The following CKAP5 variants were observed in gnomAD, a reference collection of about 807,000 sequenced individuals.
CKAP5 encodes cytoskeleton associated protein 5, also known as cytoskeleton-associated protein 5.
Under a neutral mutation model 232.8 loss-of-function variants are expected in CKAP5, and 27 were observed. The observed-to-expected ratio is 0.12, with a 90% CI of 0.09 to 0.16. The LOEUF (loss-of-function observed/expected upper bound fraction) is 0.16, where lower values mean the gene tolerates loss of function less well. Among genes scored for constraint, CKAP5 ranks in the 10% least tolerant of loss-of-function variants. The probability of loss-of-function intolerance (pLI) is 1.00; values close to 1 mark genes in which losing one functional copy is unlikely to be tolerated. For missense variants in CKAP5, 1,838 were observed against 2,424.7 expected, an observed-to-expected ratio of 0.76 and a Z score of 5.08; for synonymous variants, 785 against 841.1, an observed-to-expected ratio of 0.93 and a Z score of 1.16.
Position 46,790,509 on chromosome 11 carries a change from T to C in CKAP5, c.1725A>G (p.Lys575=). 1 of 1,614,102 alleles carries C rather than the reference T, an allele frequency of 6.2e-7. No homozygotes were observed. The highest frequency in any genetic ancestry group is 1.7e-5 in the Admixed American group (1 of 60,002). ...CCACTATTTCTTTAGTCTCCAGTCC[T>C]TTCTTGTTCTTGGTTCCAGTATTCC... ...GAGNTGTKNK[K]GLETKEIVEP... The change falls in exon 14 of 44, where the codon AAA becomes AAG. Residue 575 remains lysine (K), a synonymous_variant. Coordinates refer to ENST00000529230, the MANE Select transcript of CKAP5 (RefSeq NM_001008938.4).
At chr11:46,756,159 T>C (rs2065109526) in intron 35 of CKAP5, among the ~76,000 whole-genome samples, 1 of 152,178 alleles carries the variant, frequency 6.6e-6, no homozygotes, top group South Asian at 2.1e-4. Context: ...ATTGTTTATA[T>C]CTAATCTATT....
At position 46,762,203 on chromosome 11, in the gene CKAP5, G is replaced by A. The variant is rs375726476; in HGVS notation, c.4028-10C>T. ...AGCTCTTCCAGGCACTCTGATGGGG[G>A]AGAAAGGCTAGATTAATGAGACAAC... On this transcript the variant is annotated splice_polypyrimidine_tract_variant and intron_variant, in intron 31 of 43. Coordinates refer to ENST00000529230, the MANE Select transcript of CKAP5 (RefSeq NM_001008938.4). 32 of 1,612,032 alleles carry A rather than the reference G, an allele frequency of 2.0e-5. No homozygotes were observed. In the African/African-American group the frequency reaches 3.9e-4, roughly 19 times the overall value.
At chr11:46,781,322 C>T (rs2065339780) in intron 18 of CKAP5, among the ~76,000 whole-genome samples, 1 of 152,168 alleles carries the variant, frequency 6.6e-6, no homozygotes, top group Admixed American at 6.6e-5. Flanking sequence ...TCCAAGCCAC[C>T]AGAATTTCTC....
At chr11:46,744,835 G>C (rs1305641345) in intron 42 of CKAP5, among the ~76,000 whole-genome samples, 5 of 152,164 alleles carry the variant, frequency 3.3e-5, no homozygotes, top group Non-Finnish European at 1.5e-5. Flanking sequence ...TTATGCAGGG[G>C]ATTGTACTCC....
intron 6 of CKAP5, 52 bp from the exon 7 acceptor site, chr11:46,809,552 T>C: frequency 7.0e-7 from 1 of 1,420,696 alleles, no homozygotes; most frequent in Non-Finnish European, 9.9e-7. Context: ...ATTGTTTTAC[T>C]TATCAGTTAT....
chr11:46,767,686 A>C, intron 26 of CKAP5, 23 bp from the exon 27 acceptor site: 1 of 1,463,474 alleles, frequency 6.8e-7, no homozygotes, highest in Non-Finnish European at 9.5e-7. Flanking sequence ...AAATATATAT[A>C]TACTATAAAC....
At chr11:46,809,630 C>T (rs1939232360) in intron 6 of CKAP5, 112 bp downstream of exon 6, 5 of 1,410,246 alleles carry the variant, frequency 3.5e-6, no homozygotes, top group Non-Finnish European at 5.0e-6. Context: ...CTACATGCAA[C>T]TTATATTTTA....
In CKAP5 at chr11:46,765,258, T is replaced by A; in HGVS notation, c.3412-2A>T. The A allele has an allele frequency of 6.2e-7, 1 of 1,607,366 alleles. No homozygotes were observed. The highest frequency in any genetic ancestry group is 8.5e-7 in the Non-Finnish European group (1 of 1,177,118). Reference sequence around the variant, plus strand: ...TGGCATCTTCTTCCCTTGTGCACTCTACAACCAAGGTTCAGGGAATACTGA... The same window carrying A: ...TGGCATCTTCTTCCCTTGTGCACTCAACAACCAAGGTTCAGGGAATACTGA... On this transcript the variant is annotated splice_acceptor_variant, in intron 27 of 43. Coordinates refer to ENST00000529230, the MANE Select transcript of CKAP5 (RefSeq NM_001008938.4). LOFTEE classifies it high-confidence loss of function.
intron 24 of CKAP5, among the ~76,000 whole-genome samples, chr11:46,774,472 G>T (rs892260246): frequency 6.6e-6 from 1 of 152,094 alleles, no homozygotes; most frequent in Non-Finnish European, 1.5e-5. Flanking sequence ...TCTCTTCACA[G>T]AATTAGAAAA....
At chr11:46,837,563 G>C (rs182436908) in intron 1 of CKAP5, among the ~76,000 whole-genome samples, 1 of 152,118 alleles carries the variant, frequency 6.6e-6, no homozygotes, top group African/African-American at 2.4e-5. Context: ...AAGGGAACCA[G>C]GGCACCTTGG....
rs539793418 is a variant in CKAP5, at chr11:46,762,486, T to A, written c.4027+141A>T. ...TACCATGGCTCCACCAGTGTGCAACTCATCACTCTCACAGTCTAAATCAGG... is the reference window on the plus strand; with the variant it reads ...TACCATGGCTCCACCAGTGTGCAACACATCACTCTCACAGTCTAAATCAGG... On this transcript the variant is annotated intron_variant, in intron 31 of 43. Transcript: ENST00000529230. The A allele has an allele frequency of 6.5e-6, 7 of 1,068,844 alleles. No homozygotes were observed. In the Admixed American group the frequency reaches 1.2e-4, roughly 18 times the overall value. 66.2% of individuals were successfully genotyped at this position (1,068,844 alleles called of 1,614,324 possible).
intron 38 of CKAP5, among the ~76,000 whole-genome samples, chr11:46,752,193 T>TATATATACATAC (rs1408030107): frequency 3.0e-5 from 2 of 66,574 alleles, no homozygotes; most frequent in African/African-American, 1.0e-4. Flanking sequence ...TATATATATA[T>TATATATACATAC]ACACACACAC....
chr11:46,793,324 T>C (rs1485272087), intron 13 of CKAP5, among the ~76,000 whole-genome samples: 1 of 152,196 alleles, frequency 6.6e-6, no homozygotes, highest in Non-Finnish European at 1.5e-5. Context: ...CCATGCTGAG[T>C]GGTTCAAGAT....
At chr11:46,752,787 G>A (rs2065079622) in intron 37 of CKAP5, 77 bp from the exon 38 acceptor site, 1 of 1,060,706 alleles carries the variant, frequency 9.4e-7, no homozygotes, top group Admixed American at 1.8e-5. Flanking sequence ...GAAAGGGCAA[G>A]TGAGATTACT....
chr11:46,746,570 C>A (rs1207623250), intron 42 of CKAP5, among the ~76,000 whole-genome samples: 2 of 152,108 alleles, frequency 1.3e-5, no homozygotes, highest in Admixed American at 1.3e-4. Flanking sequence ...GCAATGTTAA[C>A]ACAAAGTATT....
At chr11:46,799,877 T>C (rs957569266) in intron 9 of CKAP5, among the ~76,000 whole-genome samples, 3 of 151,956 alleles carry the variant, frequency 2.0e-5, no homozygotes, top group African/African-American at 7.3e-5. Flanking sequence ...GGGGTGTGCC[T>C]GAAGTCCCAG....
At chr11:46,760,129 A>C (rs1295955144) in intron 33 of CKAP5, among the ~76,000 whole-genome samples, 1 of 152,252 alleles carries the variant, frequency 6.6e-6, no homozygotes, top group Non-Finnish European at 1.5e-5. Flanking sequence ...CAAGAATAGG[A>C]AACTAAGCAC....
At chr11:46,798,029 T>A in intron 10 of CKAP5, 54 bp downstream of exon 10, 2 of 1,604,194 alleles carry the variant, frequency 1.2e-6, no homozygotes, top group Non-Finnish European at 1.7e-6. Context: ...ATCAAAATAT[T>A]ATATTTACAA....
chr11:46,809,356 T>C, intron 7 of CKAP5, 44 bp downstream of exon 7: 1 of 1,277,674 alleles, frequency 7.8e-7, no homozygotes, highest in Admixed American at 1.8e-5. Flanking sequence ...ATTCAAGTAA[T>C]TATTTTACAA....
Sources: gnomAD v4.1 joint callset for allele counts (sites outside exome capture counted in the v4.1 genomes callset) on GRCh38, gnomAD v4.1.1 for gene constraint, MANE v1.5 for transcripts, NCBI Gene and HGNC (gene_info 2026-07-23, HGNC 2026-07-21) for gene names.